TBC1D32: variants seen among roughly 807,000 people sequenced by gnomAD.
TBC1D32 encodes protein broad-minded.
In TBC1D32, 151 loss-of-function variants were observed where a neutral mutation model predicts 170.3. That is an observed-to-expected ratio of 0.89 (90% confidence interval 0.78 to 1.01). The LOEUF (loss-of-function observed/expected upper bound fraction) is 1.01, where lower values mean the gene tolerates loss of function less well. Ranked by LOEUF, TBC1D32 falls within the 50% of genes least tolerant of loss-of-function variation. The pLI, the probability that TBC1D32 is intolerant of heterozygous loss-of-function variation, is 0.00. For missense variants in TBC1D32, 1,464 were observed against 1,457.1 expected, an observed-to-expected ratio of 1.00 and a Z score of -0.08; for synonymous variants, 498 against 488.0, an observed-to-expected ratio of 1.02 and a Z score of -0.27.
intron 21 of TBC1D32, among the ~76,000 whole-genome samples, chr6:121,222,352 T>C (rs868664491): frequency 6.6e-6 from 1 of 152,298 alleles, no homozygotes; most frequent in Middle Eastern, 3.4e-3. Flanking sequence ...GGTATACCTG[T>C]ACTTAAGAAG....
chr6:121,274,169 C>T (rs780580746), intron 15 of TBC1D32, among the ~76,000 whole-genome samples: 21 of 151,970 alleles, frequency 1.4e-4, no homozygotes, highest in Non-Finnish European at 1.2e-4. Context: ...CCCATCTCTA[C>T]TAAAAATACA....
intron 13 of TBC1D32, 44 bp downstream of exon 13, chr6:121,283,774 T>C: frequency 7.2e-7 from 1 of 1,398,084 alleles, no homozygotes; most frequent in Non-Finnish European, 1.0e-6. Flanking sequence ...TTAAATATTT[T>C]TAGATGTTTT....
intron 21 of TBC1D32, among the ~76,000 whole-genome samples, chr6:121,211,994 AACACACACACACAC>A (rs66924686): frequency 1.3e-5 from 2 of 148,634 alleles, no homozygotes; most frequent in East Asian, 2.0e-4. Flanking sequence ...GAACAAACAC[AACACACACACACAC>A]ACACACACAC....
intron 29 of TBC1D32, among the ~76,000 whole-genome samples, chr6:121,111,110 C>T (rs1281685390): frequency 1.3e-5 from 2 of 152,108 alleles, no homozygotes; most frequent in Non-Finnish European, 2.9e-5. Flanking sequence ...TTCAATGATG[C>T]TATCAAAATG....
intron 14 of TBC1D32, among the ~76,000 whole-genome samples, chr6:121,280,236 A>G (rs1802793677): frequency 6.6e-6 from 1 of 152,004 alleles, no homozygotes; most frequent in Admixed American, 6.6e-5. Flanking sequence ...CTATATAAAT[A>G]TAAACACAGT....
intron 5 of TBC1D32, among the ~76,000 whole-genome samples, chr6:121,305,761 AGAG>A (rs140351550): frequency 0.024 from 3,633 of 152,142 alleles, 161 homozygotes; most frequent in East Asian, 0.12. Context: ...AGAGTCCTTT[AGAG>A]GAGGAGATGA....
intron 22 of TBC1D32, among the ~76,000 whole-genome samples, chr6:121,196,210 C>T (rs563270166): frequency 2.0e-5 from 3 of 152,144 alleles, no homozygotes; most frequent in Non-Finnish European, 4.4e-5. Context: ...CCCAACGGGC[C>T]CATGAACAAA....
At chr6:121,080,995 G>A (rs1284477349) in intron 31 of TBC1D32, 105 bp from the exon 32 acceptor site, 1 of 1,363,106 alleles carries the variant, frequency 7.3e-7, no homozygotes, top group Non-Finnish European at 1.0e-6. Context: ...AGCTATAGAT[G>A]GGGTGGGCTG....
At chr6:121,332,232 A>T (rs1032986827) in intron 1 of TBC1D32, among the ~76,000 whole-genome samples, 4 of 152,206 alleles carry the variant, frequency 2.6e-5, no homozygotes, top group African/African-American at 9.6e-5. Context: ...CTTCTATTAA[A>T]AAAGAAAAAA....
chr6:121,266,600 G>T (rs1243405174), intron 15 of TBC1D32, among the ~76,000 whole-genome samples: 1 of 152,090 alleles, frequency 6.6e-6, no homozygotes, highest in African/African-American at 2.4e-5. Flanking sequence ...CTATTATAAA[G>T]ATACATGGAC....
intron 25 of TBC1D32, among the ~76,000 whole-genome samples, chr6:121,130,140 C>T (rs1379191728): frequency 1.3e-5 from 2 of 151,742 alleles, no homozygotes; most frequent in Non-Finnish European, 2.9e-5. Flanking sequence ...AAACTATAGC[C>T]CATAAAAAGG....
intron 24 of TBC1D32, among the ~76,000 whole-genome samples, chr6:121,153,022 G>C (rs754705031): frequency 5.9e-5 from 9 of 152,094 alleles, no homozygotes; most frequent in Non-Finnish European, 1.3e-4. Flanking sequence ...CTCATTCTCT[G>C]TCCAAAGTTT....
chr6:121,092,784 C>T (rs1473879614), intron 30 of TBC1D32, among the ~76,000 whole-genome samples: 4 of 152,032 alleles, frequency 2.6e-5, no homozygotes, highest in African/African-American at 7.2e-5. Flanking sequence ...AACTTAATGA[C>T]CTCATTTTAA....
intron 1 of TBC1D32, among the ~76,000 whole-genome samples, chr6:121,322,816 C>T (rs914401977): frequency 6.6e-6 from 1 of 152,158 alleles, no homozygotes; most frequent in Non-Finnish European, 1.5e-5. Flanking sequence ...TCATTTTCTA[C>T]ATCAGTGGCT....
intron 1 of TBC1D32, among the ~76,000 whole-genome samples, chr6:121,325,211 C>CAAA (rs1241989773): frequency 1.5e-5 from 1 of 67,946 alleles, no homozygotes; most frequent in Non-Finnish European, 3.2e-5. Context: ...GACTCCATCT[C>CAAA]AAAAAAAAAA....
intron 24 of TBC1D32, among the ~76,000 whole-genome samples, chr6:121,154,508 A>AAGGCCC (rs1358430748): frequency 6.6e-6 from 1 of 152,166 alleles, no homozygotes; most frequent in African/African-American, 2.4e-5. Flanking sequence ...TAGATTCTTG[A>AAGGCCC]TATTAGCTCC....
At chr6:121,316,401 T>C (rs964041614) in intron 3 of TBC1D32, among the ~76,000 whole-genome samples, 3 of 152,150 alleles carry the variant, frequency 2.0e-5, no homozygotes, top group African/African-American at 7.2e-5. Flanking sequence ...AGTCCTTGAT[T>C]TGAAGAAGCA....
At chr6:121,169,065 AT>A (rs143557072) in intron 22 of TBC1D32, among the ~76,000 whole-genome samples, 104,394 of 151,884 alleles carry the variant, frequency 0.69, 41,073 homozygotes, top group Non-Finnish European at 0.87. Flanking sequence ...CAGAAAAAAA[AT>A]ATTTTAAAAT....
intron 12 of TBC1D32, among the ~76,000 whole-genome samples, chr6:121,286,828 A>C (rs965068672): frequency 6.6e-6 from 1 of 152,226 alleles, no homozygotes; most frequent in Non-Finnish European, 1.5e-5. Flanking sequence ...ACAAGCCAGA[A>C]GAGAGTGGGG....
Sources: gnomAD v4.1 joint callset for allele counts (sites outside exome capture counted in the v4.1 genomes callset) on GRCh38, gnomAD v4.1.1 for gene constraint, MANE v1.5 for transcripts, NCBI Gene and HGNC (gene_info 2026-07-23, HGNC 2026-07-21) for gene names.